The following PRDM16 variants were observed in gnomAD, a reference collection of about 807,000 sequenced individuals.
PRDM16 encodes histone-lysine N-methyltransferase PRDM16.
PRDM16 carries 23 observed loss-of-function variants against 110.6 expected under a neutral mutation model. The ratio of observed to expected loss-of-function variants is 0.21; its 90% confidence interval spans 0.15 to 0.29. The LOEUF is 0.29. Among genes scored for constraint, PRDM16 ranks in the 10% least tolerant of loss-of-function variants. PRDM16 has a pLI of 1.00. For missense variants in PRDM16, 1,615 were observed against 1,794.3 expected, an observed-to-expected ratio of 0.90 and a Z score of 1.81; for synonymous variants, 799 against 781.8, an observed-to-expected ratio of 1.02 and a Z score of -0.37.
At chr1:3,163,483 G>A (rs577134180) in intron 1 of PRDM16, among the ~76,000 whole-genome samples, 2 of 152,344 alleles carry the variant, frequency 1.3e-5, no homozygotes, top group South Asian at 2.1e-4. Context: ...TGTTGAGTAA[G>A]AGCGGTCAAG....
chr1:3,251,433 G>T (rs2100219617), intron 3 of PRDM16, among the ~76,000 whole-genome samples: 1 of 152,298 alleles, frequency 6.6e-6, no homozygotes, highest in South Asian at 2.1e-4. Flanking sequence ...CCAGGGCTTG[G>T]CTGCTCTTTA....
At chr1:3,074,411 C>CTG (rs770186651) in intron 1 of PRDM16, among the ~76,000 whole-genome samples, 369 of 151,110 alleles carry the variant, frequency 2.4e-3, no homozygotes, top group Middle Eastern at 3.4e-3. Flanking sequence ...AGGGTTTTTT[C>CTG]TGTGTGTGTG....
At chr1:3,078,729 G>T (rs1475428979) in intron 1 of PRDM16, among the ~76,000 whole-genome samples, 2 of 152,246 alleles carry the variant, frequency 1.3e-5, no homozygotes, top group African/African-American at 4.8e-5. Flanking sequence ...GGGTGCATAC[G>T]TGAGGAACGG....
intron 3 of PRDM16, among the ~76,000 whole-genome samples, chr1:3,254,696 A>AG (rs1640008243): frequency 6.6e-6 from 1 of 152,222 alleles, no homozygotes; most frequent in Non-Finnish European, 1.5e-5. Context: ...GCTCATGGAT[A>AG]GGAAGAATCA....
chr1:3,156,726 C>CACT (rs1218631199), intron 1 of PRDM16, among the ~76,000 whole-genome samples: 2 of 152,244 alleles, frequency 1.3e-5, no homozygotes, highest in Non-Finnish European at 2.9e-5. Context: ...AGGTCAGGCT[C>CACT]ACTACCCAGC....
chr1:3,181,836 A>ACG (rs1644209543), intron 1 of PRDM16, among the ~76,000 whole-genome samples: 6 of 89,542 alleles, frequency 6.7e-5, no homozygotes, highest in Non-Finnish European at 1.5e-4. Context: ...TTACACATTC[A>ACG]GTCTTACACA....
intron 1 of PRDM16, among the ~76,000 whole-genome samples, chr1:3,100,195 G>T (rs1368220829): frequency 6.6e-6 from 1 of 152,150 alleles, no homozygotes; most frequent in Non-Finnish European, 1.5e-5. Flanking sequence ...GACCAGAGTA[G>T]AGCTTGCCCC....
chr1:3,099,797 T>C (rs1210533649), intron 1 of PRDM16, among the ~76,000 whole-genome samples: 1 of 152,074 alleles, frequency 6.6e-6, no homozygotes, highest in Non-Finnish European at 1.5e-5. Context: ...CAGCGTCCCT[T>C]ATATGGGAGG....
chr1:3,279,303 C>T (rs1640658199), intron 3 of PRDM16, among the ~76,000 whole-genome samples: 1 of 152,208 alleles, frequency 6.6e-6, no homozygotes, highest in Admixed American at 6.5e-5. Flanking sequence ...GTCAGGCCGC[C>T]TCTGCAGCGG....
chr1:3,112,999 G>A (rs1411413393), intron 1 of PRDM16, among the ~76,000 whole-genome samples: 34 of 152,264 alleles, frequency 2.2e-4, no homozygotes, highest in Admixed American at 2.2e-3. Context: ...TGCCATGCAA[G>A]TCTTCCCAGA....
intron 1 of PRDM16, among the ~76,000 whole-genome samples, chr1:3,119,492 G>T (rs1399222255): frequency 6.6e-6 from 1 of 152,186 alleles, no homozygotes; most frequent in East Asian, 1.9e-4. Flanking sequence ...GTGTGGCCTT[G>T]GGTCACTCCA....
At chr1:3,279,166 C>T (rs899656478) in intron 3 of PRDM16, among the ~76,000 whole-genome samples, 3 of 152,224 alleles carry the variant, frequency 2.0e-5, no homozygotes, top group Non-Finnish European at 2.9e-5. Context: ...CATCAGGAGC[C>T]TCGAAGCGTC....
Position 3,433,754 on chromosome 1 carries a change from G to C in PRDM16, c.3774G>C (p.Leu1258Phe). ...TPSQGSLDAW[L>F]KVTGATSESG... ...CCCAGGGTTCTCTGGACGCTTGGTT[G>C]AAGGTCACTGGAGCCACGTCGGAGT... Residue 1258 changes from leucine to phenylalanine, a missense_variant, in exon 17 of 17, where the codon TTG becomes TTC. This residue lies in a region of PRDM16 where 327 missense variants were observed against 359.3 expected (regional missense o/e 0.91). Transcript: ENST00000270722. 6.2e-7 allele frequency: 1 copy of C among 1,614,000 alleles called. No homozygotes were observed. The highest frequency in any genetic ancestry group is 8.5e-7 in the Non-Finnish European group (1 of 1,179,940).
chr1:3,138,129 C>G (rs1442900639), intron 1 of PRDM16, among the ~76,000 whole-genome samples: 1 of 152,318 alleles, frequency 6.6e-6, no homozygotes, highest in African/African-American at 2.4e-5. Context: ...GCAGGGGGAC[C>G]CCAGCCCTCT....
At chr1:3,345,396 T>C (rs576578592) in intron 3 of PRDM16, among the ~76,000 whole-genome samples, 3 of 152,296 alleles carry the variant, frequency 2.0e-5, no homozygotes, top group Non-Finnish European at 2.9e-5. Context: ...TTATGCCACA[T>C]GCACATCCAT....
At chr1:3,252,044 C>T (rs1639945192) in intron 3 of PRDM16, among the ~76,000 whole-genome samples, 2 of 152,200 alleles carry the variant, frequency 1.3e-5, no homozygotes, top group South Asian at 2.1e-4. Context: ...GCTAGTGAGC[C>T]GGGTGGCGGG....
intron 11 of PRDM16, among the ~76,000 whole-genome samples, chr1:3,418,358 C>T (rs542494118): frequency 3.3e-5 from 5 of 152,304 alleles, no homozygotes; most frequent in African/African-American, 9.6e-5. Context: ...GACACCCTCC[C>T]GGCCACCCTC....
At chr1:3,320,235 T>C (rs966947620) in intron 3 of PRDM16, among the ~76,000 whole-genome samples, 2 of 152,252 alleles carry the variant, frequency 1.3e-5, no homozygotes, top group Non-Finnish European at 1.5e-5. Context: ...GACTGATGTC[T>C]GTGAAGGACC....
chr1:3,083,227 A>T (rs959535346), intron 1 of PRDM16, among the ~76,000 whole-genome samples: 1 of 152,042 alleles, frequency 6.6e-6, no homozygotes, highest in Admixed American at 6.5e-5. Context: ...TGGCTAGGAG[A>T]CGCAGGGGTC....
Sources: gnomAD v4.1 joint callset for allele counts (sites outside exome capture counted in the v4.1 genomes callset) on GRCh38, gnomAD v4.1.1 for gene constraint, gnomAD v4.1.1 regional missense constraint, MANE v1.5 for transcripts, NCBI Gene and HGNC (gene_info 2026-07-23, HGNC 2026-07-21) for gene names.